Variants in ABCA13 observed in about 807,000 individuals in gnomAD.
The protein encoded by ABCA13 is ATP-binding cassette sub-family A member 13.
Under a neutral mutation model 478.7 loss-of-function variants are expected in ABCA13, and 476 were observed. The observed-to-expected ratio is 0.99, with a 90% CI of 0.92 to 1.07. The LOEUF is 1.07. Ranked by LOEUF, ABCA13 falls within the 50% of genes least tolerant of loss-of-function variation. The probability of loss-of-function intolerance (pLI) is 0.00; values close to 1 mark genes in which losing one functional copy is unlikely to be tolerated. For missense variants in ABCA13, 6,060 were observed against 5,910.6 expected (o/e 1.03, Z -0.83); for synonymous variants, 2,252 against 2,158.9 (o/e 1.04, Z -1.20).
At chr7:48,605,092 C>G (rs528260566) in intron 58 of ABCA13, among the ~76,000 whole-genome samples, 1 of 152,258 alleles carries the variant, frequency 6.6e-6, no homozygotes, top group East Asian at 1.9e-4. Context: ...AAATATTCCT[C>G]CATCCCTTTA....
At chr7:48,434,716 C>T (rs905340708) in intron 42 of ABCA13, among the ~76,000 whole-genome samples, 1 of 151,846 alleles carries the variant, frequency 6.6e-6, no homozygotes. Context: ...CATTTTTATT[C>T]TCTTGCATAT....
At chr7:48,579,682 G>A (rs1024200329) in intron 55 of ABCA13, among the ~76,000 whole-genome samples, 1 of 152,166 alleles carries the variant, frequency 6.6e-6, no homozygotes, top group African/African-American at 2.4e-5. Flanking sequence ...GACTCAAGGA[G>A]CTGCCCAGAT....
chr7:48,576,217 C>T (rs118078158), intron 55 of ABCA13, among the ~76,000 whole-genome samples: 1,625 of 152,162 alleles, frequency 0.011, 17 homozygotes, highest in Non-Finnish European at 0.017. Flanking sequence ...TATAGAAAAA[C>T]GACTGTACTA....
chr7:48,549,522 A>T (rs989405752), intron 55 of ABCA13, among the ~76,000 whole-genome samples: 12 of 151,932 alleles, frequency 7.9e-5, no homozygotes, highest in Non-Finnish European at 1.6e-4. Flanking sequence ...GTTGCAATAA[A>T]CATACGTGTG....
chr7:48,628,323 A>G (rs941733986), intron 59 of ABCA13, among the ~76,000 whole-genome samples: 1 of 152,220 alleles, frequency 6.6e-6, no homozygotes, highest in Non-Finnish European at 1.5e-5. Context: ...AGAGATGTCC[A>G]CAATGTCAGG....
chr7:48,307,258 G>A lies in ABCA13; in HGVS notation c.9322-2689G>A, dbSNP rs1475966009. On this transcript the variant is annotated intron_variant, in intron 23 of 61. Transcript: ENST00000435803. ...GCTGGTACAGCCTGTTACACACCTA[G>A]GCTATATGGTATGGCCTGTTGCTCC... Among the ~76,000 whole-genome samples, 5 of 152,300 alleles carry A rather than the reference G, an allele frequency of 3.3e-5. No individual in the cohort carries two copies. In the South Asian group the frequency reaches 8.3e-4, roughly 25 times the overall value.
rs944024747 is a variant in ABCA13, at chr7:48,357,865, C to T, written c.10688+5378C>T. On this transcript the variant is annotated intron_variant, in intron 31 of 61. Coordinates refer to ENST00000435803, the MANE Select transcript of ABCA13 (RefSeq NM_152701.5). ...TTTGAAAGTCTGGTATGTTTTCGGC[C>T]GGGTGTGGTGGCTCACACCTGTAAT... Among the ~76,000 whole-genome samples, 21 of 151,872 alleles carry T rather than the reference C, an allele frequency of 1.4e-4. 1 individual carries two copies. Among genetic ancestry groups the T allele is most frequent in the African/African-American group, 3.4e-4 (14 of 41,268 alleles).
chr7:48,488,860 A>AT (rs1313780522), intron 47 of ABCA13, among the ~76,000 whole-genome samples: 6 of 151,954 alleles, frequency 3.9e-5, no homozygotes, highest in East Asian at 3.9e-4. Context: ...GAAAGTAATC[A>AT]TTTTTTTTCT....
chr7:48,612,500 T>G (rs2131549937), intron 58 of ABCA13, among the ~76,000 whole-genome samples: 1 of 152,334 alleles, frequency 6.6e-6, no homozygotes. Context: ...CTAGGTAGTT[T>G]TTTAACATAC....
chr7:48,556,168 A>G (rs67074321), intron 55 of ABCA13, among the ~76,000 whole-genome samples: 21,029 of 151,650 alleles, frequency 0.14, 1,826 homozygotes, highest in African/African-American at 0.23. Flanking sequence ...CAGGGAAGAT[A>G]TTTGTTATTA....
chr7:48,253,065 A>C (rs1792815857), intron 15 of ABCA13, among the ~76,000 whole-genome samples: 2 of 152,180 alleles, frequency 1.3e-5, no homozygotes, highest in Admixed American at 1.3e-4. Flanking sequence ...ACTTCCCTGC[A>C]TACATACTAT....
At chr7:48,489,169 G>A in intron 47 of ABCA13, 67 bp from the exon 48 acceptor site, 1 of 1,333,570 alleles carries the variant, frequency 7.5e-7, no homozygotes, top group Non-Finnish European at 1.1e-6. Flanking sequence ...TTAAATCCCA[G>A]AATAGTTGAC....
intron 59 of ABCA13, among the ~76,000 whole-genome samples, chr7:48,641,008 T>A (rs1231502378): frequency 6.6e-6 from 1 of 152,230 alleles, no homozygotes; most frequent in African/African-American, 2.4e-5. Flanking sequence ...TCTTTTTTCG[T>A]AATTCATGTT....
intron 30 of ABCA13, 43 bp from the exon 31 acceptor site, chr7:48,352,138 C>A (rs550149694): frequency 5.1e-6 from 8 of 1,560,388 alleles, no homozygotes; most frequent in Admixed American, 3.5e-5. Flanking sequence ...TGAGCCACTC[C>A]CTACAGTGTG....
chr7:48,452,417 T>G lies in ABCA13; in HGVS notation c.12566-2620T>G, dbSNP rs541544765. ...CCCACCCCACAGTGGCTCTGATGAT[T>G]GTTCTCAATGAACCCAGGCCAGTGT... On this transcript the variant is annotated intron_variant, in intron 42 of 61. Coordinates refer to ENST00000435803, the MANE Select transcript of ABCA13 (RefSeq NM_152701.5). Among the ~76,000 whole-genome samples, 18 of 152,350 alleles carry G rather than the reference T, an allele frequency of 1.2e-4. No homozygotes were observed. The South Asian group carries it at 3.5e-3, about 30-fold the overall frequency.
chr7:48,313,570 G>T (rs922385959), intron 25 of ABCA13, among the ~76,000 whole-genome samples: 11 of 152,186 alleles, frequency 7.2e-5, no homozygotes, highest in African/African-American at 2.4e-4. Flanking sequence ...AGAGCAAATT[G>T]CTTTCAAAAA....
intron 43 of ABCA13, among the ~76,000 whole-genome samples, chr7:48,460,228 T>G (rs1016931656): frequency 6.6e-6 from 1 of 152,140 alleles, no homozygotes; most frequent in Non-Finnish European, 1.5e-5. Flanking sequence ...CTGGGTGCGT[T>G]TTTTAGTTTT....
At chr7:48,231,656 C>CTATTATTATTATTAT (rs151023674) in intron 7 of ABCA13, among the ~76,000 whole-genome samples, 5 of 150,664 alleles carry the variant, frequency 3.3e-5, no homozygotes, top group African/African-American at 9.8e-5. Context: ...GTCTCCTGAA[C>CTATTATTATTATTAT]TATTATTATT....
chr7:48,344,319 G>A (rs749009974), intron 29 of ABCA13, among the ~76,000 whole-genome samples: 2 of 152,280 alleles, frequency 1.3e-5, no homozygotes, highest in African/African-American at 2.4e-5. Context: ...TGTCTGTAGG[G>A]CCTAGGTTGA....
Sources: allele counts gnomAD v4.1 joint callset (sites outside exome capture counted in the v4.1 genomes callset), GRCh38; gene constraint gnomAD v4.1.1; transcripts MANE v1.5; gene names NCBI Gene and HGNC (gene_info 2026-07-23, HGNC 2026-07-21).